LAMA1: variants seen among roughly 807,000 people sequenced by gnomAD.
LAMA1 encodes laminin subunit alpha 1.
LAMA1 carries 219 observed loss-of-function variants against 348.7 expected under a neutral mutation model. The observed-to-expected ratio is 0.63, with a 90% CI of 0.56 to 0.70. The LOEUF (loss-of-function observed/expected upper bound fraction) is 0.70. Ranked by LOEUF, LAMA1 falls within the 30% of genes least tolerant of loss-of-function variation. The pLI, the probability that LAMA1 is intolerant of heterozygous loss-of-function variation, is 0.00. For synonymous variants in LAMA1, 1,487 were observed against 1,491.0 expected (o/e 1.00, Z 0.06); for missense variants, 3,744 against 3,888.0 (o/e 0.96, Z 0.99).
intron 4 of LAMA1, 32 bp from the exon 5 acceptor site, chr18:7,049,289 T>C (rs1456205746): frequency 6.4e-7 from 1 of 1,564,982 alleles, no homozygotes; most frequent in Non-Finnish European, 8.8e-7. Flanking sequence ...TAGATGAATG[T>C]CAATTGTTTA....
chr18:7,101,179 TAGCACTCTAA>T (rs1458677303), intron 1 of LAMA1, among the ~76,000 whole-genome samples: 1 of 152,202 alleles, frequency 6.6e-6, no homozygotes, highest in Non-Finnish European at 1.5e-5. Context: ...TGTGATTGTA[TAGCACTCTAA>T]ATTTACTAAA....
chr18:7,079,222 G>A (rs1453639860), intron 3 of LAMA1: 1 of 152,316 alleles, frequency 6.6e-6, no homozygotes, highest in African/African-American at 2.4e-5. Flanking sequence ...TGGCTTTTCT[G>A]AAAAGCTCAA....
At chr18:7,063,026 A>T (rs1226225076) in intron 3 of LAMA1, among the ~76,000 whole-genome samples, 3 of 152,202 alleles carry the variant, frequency 2.0e-5, no homozygotes, top group African/African-American at 7.2e-5. Flanking sequence ...TGCCCAGAAA[A>T]GCTGTGCAAA....
intron 57 of LAMA1, among the ~76,000 whole-genome samples, 188 bp from the exon 58 acceptor site, chr18:6,951,159 G>A (rs1472803283): frequency 2.0e-5 from 3 of 152,058 alleles, no homozygotes; most frequent in Non-Finnish European, 2.9e-5. Flanking sequence ...TCTGTCTGCC[G>A]GGAACTGTTT....
chr18:7,058,829 G>A (rs910185196), intron 3 of LAMA1, among the ~76,000 whole-genome samples: 3 of 152,172 alleles, frequency 2.0e-5, no homozygotes, highest in Non-Finnish European at 2.9e-5. Context: ...CCAATCATGT[G>A]TTGACAAATT....
At chr18:7,014,080 A>C (rs771781865) in intron 22 of LAMA1, 29 bp from the exon 23 acceptor site, 116 of 1,559,974 alleles carry the variant, frequency 7.4e-5, no homozygotes, top group Non-Finnish European at 9.4e-5. Flanking sequence ...AACTCAATTA[A>C]AAAGGCAGAT....
chr18:6,987,678 C>T (rs28524830), intron 36 of LAMA1, among the ~76,000 whole-genome samples: 4 of 152,110 alleles, frequency 2.6e-5, no homozygotes, highest in African/African-American at 9.7e-5. Context: ...CTGTAAAACA[C>T]CCTCAGCTTT....
intron 58 of LAMA1, among the ~76,000 whole-genome samples, chr18:6,949,684 T>C (rs934592627): frequency 1.3e-5 from 2 of 152,218 alleles, no homozygotes; most frequent in Admixed American, 6.5e-5. Context: ...AAATCAAAGA[T>C]GATAACAGTC....
chr18:7,010,908 G>A (rs774737502), intron 25 of LAMA1, among the ~76,000 whole-genome samples: 6 of 152,178 alleles, frequency 3.9e-5, no homozygotes, highest in African/African-American at 7.2e-5. Flanking sequence ...CCCATACCAC[G>A]TAATGATATT....
At position 7,050,281 on chromosome 18, in the gene LAMA1, T is replaced by C. The variant is rs548555830; in HGVS notation, c.588+413A>G. The stretch of plus-strand genomic sequence containing the variant: ...TCTGACTTCAAGGAAGTGTATACAA[T>C]CTGGGCATGTTGGGCACTAAGCTGC... On this transcript the variant is annotated intron_variant, in intron 4 of 62. Transcript: ENST00000389658. Among the ~76,000 whole-genome samples, 236 of 152,348 alleles carry C rather than the reference T, an allele frequency of 1.5e-3. 2 individuals carry two copies. Among genetic ancestry groups the C allele is most frequent in the Non-Finnish European group, 6.9e-4 (47 of 68,038 alleles).
chr18:7,015,915 G>C, intron 21 of LAMA1, 57 bp from the exon 22 acceptor site: 1 of 1,598,028 alleles, frequency 6.3e-7, no homozygotes, highest in Non-Finnish European at 8.6e-7. Flanking sequence ...AAAGGGCTAA[G>C]AGCTGATGCT....
intron 61 of LAMA1, 72 bp downstream of exon 61, chr18:6,947,091 A>T: frequency 6.3e-7 from 1 of 1,587,794 alleles, no homozygotes; most frequent in Non-Finnish European, 8.6e-7. Flanking sequence ...GTGAATTTGA[A>T]TCTGCTGTTT....
At chr18:7,027,070 C>T (rs1568036939) in intron 16 of LAMA1, among the ~76,000 whole-genome samples, 1 of 151,830 alleles carries the variant, frequency 6.6e-6, no homozygotes, top group African/African-American at 2.4e-5. Context: ...CTGTTAAAAG[C>T]CTAAGGAGAC....
intron 22 of LAMA1, among the ~76,000 whole-genome samples, chr18:7,014,789 A>T (rs988176567): frequency 6.6e-6 from 1 of 152,168 alleles, no homozygotes; most frequent in Non-Finnish European, 1.5e-5. Flanking sequence ...CTCTTGGAAG[A>T]TAGTATACAT....
Position 7,062,531 on chromosome 18 carries a change from T to G in LAMA1, c.346-11595A>C, listed in dbSNP as rs375652770. On this transcript the variant is annotated intron_variant, in intron 3 of 62. Transcript: ENST00000389658. ...CAAGGAGCTACAGGGTCACCGGAGCTGAAGGTCACAGGATTGGATGTTGGT... is the reference window on the plus strand; with the variant it reads ...CAAGGAGCTACAGGGTCACCGGAGCGGAAGGTCACAGGATTGGATGTTGGT... Among the ~76,000 whole-genome samples the G allele has an allele frequency of 5.9e-5, 9 of 152,228 alleles. No individual in the cohort carries two copies. The South Asian group carries it at 1.5e-3, about 25-fold the overall frequency.
rs952253740 is a variant in LAMA1, at chr18:7,011,376, T to C, written c.3611A>G (p.Asp1204Gly). The C allele has an allele frequency of 6.2e-7, 1 of 1,611,800 alleles. No individual in the cohort carries two copies. The highest frequency in any genetic ancestry group is 8.5e-7 in the Non-Finnish European group (1 of 1,179,272). Reference protein sequence around the residue: ...VYYQAPDFLLDAATVRQHIRA... With the variant: ...VYYQAPDFLLGAATVRQHIRA... ...GATGTGCTGCCGGACGGTGGCGGCA[T>C]CCAGCAGGAAGTCGGGGGCCTGGTA... The change falls in exon 25 of 63, where the codon GAT becomes GGT. Residue 1204 changes from aspartate to glycine, a missense_variant. Around this residue, in one of 3 missense-constraint regions of LAMA1, gnomAD observed 1,529 missense variants for 1,689.4 expected, o/e 0.91. Coordinates refer to ENST00000389658, the MANE Select transcript of LAMA1 (RefSeq NM_005559.4).
In LAMA1 at chr18:7,113,032, G is replaced by A. The variant is rs139210152; in HGVS notation, c.61+4628C>T. Among the ~76,000 whole-genome samples, 352 of 152,280 alleles carry A rather than the reference G, an allele frequency of 2.3e-3. 2 individuals carry two copies. The highest frequency in any genetic ancestry group is 8.0e-3 in the African/African-American group (333 of 41,544). ...GTGGCTACTAACTGCTAGAAACACT[G>A]CAAAGCAATGAACAGATATGCATAA... On this transcript the variant is annotated intron_variant, in intron 1 of 62. Coordinates refer to ENST00000389658, the MANE Select transcript of LAMA1 (RefSeq NM_005559.4).
intron 19 of LAMA1, among the ~76,000 whole-genome samples, chr18:7,019,790 T>A (rs567197331): frequency 1.7e-4 from 25 of 144,884 alleles, no homozygotes; most frequent in African/African-American, 6.4e-4. Flanking sequence ...CAAGTGATCC[T>A]CCCACCTCAG....
At chr18:7,030,258 C>T (rs752983741) in intron 16 of LAMA1, among the ~76,000 whole-genome samples, 4 of 152,168 alleles carry the variant, frequency 2.6e-5, no homozygotes, top group Non-Finnish European at 4.4e-5. Flanking sequence ...AAATGTGTAA[C>T]CTCAACCTAG....
Sources: gnomAD v4.1 joint callset for allele counts (sites outside exome capture counted in the v4.1 genomes callset) on GRCh38, gnomAD v4.1.1 for gene constraint, gnomAD v4.1.1 regional missense constraint, MANE v1.5 for transcripts, NCBI Gene and HGNC (gene_info 2026-07-23, HGNC 2026-07-21) for gene names.